The following SKA1 variants were observed in gnomAD, a reference collection of about 807,000 sequenced individuals.
The protein encoded by SKA1 is spindle and kinetochore associated complex subunit 1, also known as SKA complex subunit 1.
In SKA1, 20 loss-of-function variants were observed where a neutral mutation model predicts 31.8. That is an observed-to-expected ratio of 0.63 (90% CI 0.44 to 0.91). The LOEUF is 0.91. SKA1 is among the 40% of genes least tolerant of loss of function. The pLI is 0.00. For synonymous variants in SKA1, 88 were observed against 100.5 expected (o/e 0.88, Z 0.74); for missense variants, 253 against 298.2 (o/e 0.85, Z 1.12).
chr18:50,376,821 T>TA (rs1304162972), intron 2 of SKA1, among the ~76,000 whole-genome samples: 18 of 147,598 alleles, frequency 1.2e-4, no homozygotes, highest in African/African-American at 4.3e-4. Flanking sequence ...TATTTTTTTT[T>TA]AACTTTTTAA....
chr18:50,388,416 T>C (rs2041328380), intron 5 of SKA1, among the ~76,000 whole-genome samples: 1 of 152,196 alleles, frequency 6.6e-6, no homozygotes, highest in Non-Finnish European at 1.5e-5. Context: ...TTGTCTCCTC[T>C]GTTGTCTTTG....
intron 2 of SKA1, among the ~76,000 whole-genome samples, chr18:50,376,911 T>G (rs2041221543): frequency 6.6e-6 from 1 of 152,130 alleles, no homozygotes; most frequent in Admixed American, 6.5e-5. Context: ...TCAACATCTG[T>G]CTTCCACATT....
intron 3 of SKA1, among the ~76,000 whole-genome samples, chr18:50,381,578 G>A (rs963430715): frequency 1.3e-5 from 2 of 152,034 alleles, no homozygotes; most frequent in Non-Finnish European, 2.9e-5. Flanking sequence ...TAATTGCAAT[G>A]TGATTATAGT....
intron 2 of SKA1, 67 bp from the exon 3 acceptor site, chr18:50,380,059 G>T: frequency 3.0e-6 from 4 of 1,320,516 alleles, no homozygotes; most frequent in African/African-American, 1.5e-5. Context: ...CTAAGAGTTC[G>T]CATGAGTACT....
In SKA1 at chr18:50,375,813, T is replaced by A; in HGVS notation, c.-11-7T>A. On this transcript the variant is annotated splice_polypyrimidine_tract_variant and splice_region_variant and intron_variant, in intron 1 of 6. Coordinates refer to ENST00000285116, the MANE Select transcript of SKA1 (RefSeq NM_145060.4). ...TGTTACGAATATGTTTATGTTTTTT[T>A]CTTCAGAGGCTTAAAGGATGGCCTC... 1 of 1,540,164 alleles carries A rather than the reference T, an allele frequency of 6.5e-7. No homozygotes were observed. The highest frequency in any genetic ancestry group is 1.2e-5 in the South Asian group (1 of 82,106).
At chr18:50,380,833 T>A (rs1193659880) in intron 3 of SKA1, among the ~76,000 whole-genome samples, 1 of 152,214 alleles carries the variant, frequency 6.6e-6, no homozygotes, top group African/African-American at 2.4e-5. Flanking sequence ...CTGGTGCACT[T>A]CCTGAGGGGG....
chr18:50,378,226 C>A (rs2041236942), intron 2 of SKA1, among the ~76,000 whole-genome samples: 2 of 152,116 alleles, frequency 1.3e-5, no homozygotes, highest in Admixed American at 1.3e-4. Flanking sequence ...CATGACCCAC[C>A]AAAGCATAGG....
At chr18:50,376,458 A>G (rs951145307) in intron 2 of SKA1, among the ~76,000 whole-genome samples, 8 of 152,234 alleles carry the variant, frequency 5.3e-5, no homozygotes, top group African/African-American at 1.9e-4. Context: ...TTGTGTATCT[A>G]AACATAGAAA....
intron 2 of SKA1, among the ~76,000 whole-genome samples, chr18:50,379,748 G>A (rs2041248659): frequency 6.8e-6 from 1 of 147,562 alleles, no homozygotes; most frequent in Non-Finnish European, 1.5e-5. Flanking sequence ...ACCCTGCCTG[G>A]TATGAGGGGG....
chr18:50,391,736 C>T (rs9960124), intron 6 of SKA1, among the ~76,000 whole-genome samples: 9,130 of 152,138 alleles, frequency 0.06, 751 homozygotes, highest in African/African-American at 0.18. Context: ...ACACCCGTAT[C>T]ACTTACTGTT....
chr18:50,387,984 A>AT (rs1361761671), intron 5 of SKA1, among the ~76,000 whole-genome samples: 1 of 152,188 alleles, frequency 6.6e-6, no homozygotes, highest in Non-Finnish European at 1.5e-5. Context: ...TTAGTGTGAG[A>AT]TTTTATGTTG....
chr18:50,392,285 G>C lies in SKA1; in HGVS notation c.*38G>C, dbSNP rs760090877. 5.9e-5 allele frequency: 74 copies of C among 1,252,500 alleles called. No homozygotes were observed. Among genetic ancestry groups the C allele is most frequent in the Non-Finnish European group, 7.4e-5 (71 of 958,764 alleles). 77.6% of individuals were successfully genotyped at this position (1,252,500 alleles called of 1,614,324 possible). On this transcript the variant is annotated 3_prime_UTR_variant, in exon 7 of 7. Transcript: ENST00000285116. ...CTTTTGAACATACCAACAGGGTATAGAGTATAGAGGCTATTTCTATAATTT... is the reference window on the plus strand; with the variant it reads ...CTTTTGAACATACCAACAGGGTATACAGTATAGAGGCTATTTCTATAATTT...
At chr18:50,388,629 A>C (rs143902731) in intron 5 of SKA1, among the ~76,000 whole-genome samples, 7 of 152,314 alleles carry the variant, frequency 4.6e-5, no homozygotes, top group African/African-American at 1.7e-4. Context: ...TTTCTTAGCT[A>C]GACGGGGCTG....
intron 4 of SKA1, 140 bp downstream of exon 4, chr18:50,382,366 A>C: frequency 2.0e-6 from 1 of 501,120 alleles, no homozygotes; most frequent in East Asian, 3.6e-5. Context: ...TAAAAACAGT[A>C]TTTCCATGTT....
intron 4 of SKA1, among the ~76,000 whole-genome samples, chr18:50,384,872 A>AAT (rs2041293122): frequency 1.1e-3 from 76 of 68,766 alleles, no homozygotes; most frequent in East Asian, 3.2e-3. Context: ...AAAAAAAATT[A>AAT]AAAAAAAAAA....
At chr18:50,377,289 G>T (rs2041226348) in intron 2 of SKA1, among the ~76,000 whole-genome samples, 1 of 152,196 alleles carries the variant, frequency 6.6e-6, no homozygotes. Flanking sequence ...GAATGTTTCA[G>T]CTCCGTTATA....
intron 2 of SKA1, among the ~76,000 whole-genome samples, chr18:50,376,317 A>G (rs2041215235): frequency 1.3e-5 from 2 of 152,216 alleles, no homozygotes; most frequent in Admixed American, 1.3e-4. Flanking sequence ...ATGTACGTAA[A>G]TGTACACAAA....
chr18:50,388,680 TG>T (rs1165937096), intron 5 of SKA1, among the ~76,000 whole-genome samples: 15 of 152,336 alleles, frequency 9.8e-5, no homozygotes, highest in African/African-American at 3.6e-4. Context: ...GATAAGGTTC[TG>T]GTCAAGTAGT....
chr18:50,392,269 A>T lies in SKA1; in HGVS notation c.*22A>T, dbSNP rs10460085. 1 of 1,491,438 alleles carries T rather than the reference A, an allele frequency of 6.7e-7. No homozygotes were observed. The highest frequency in any genetic ancestry group is 8.9e-7 in the Non-Finnish European group (1 of 1,120,792). The allele number at this position is 1,491,438 out of a possible 1,614,324, so 92.4% of individuals were successfully genotyped here. A position where few individuals can be genotyped will look rare whatever the true frequency, so the allele number is the denominator to read the frequency against. ...CTGAGTCCCTTGTGAACTTTTGAAC[A>T]TACCAACAGGGTATAGAGTATAGAG... is the stretch of plus-strand genomic sequence containing the variant. On this transcript the variant is annotated 3_prime_UTR_variant, in exon 7 of 7. Transcript: ENST00000285116.
Sources: gnomAD v4.1 joint callset for allele counts (sites outside exome capture counted in the v4.1 genomes callset) on GRCh38, gnomAD v4.1.1 for gene constraint, MANE v1.5 for transcripts, NCBI Gene and HGNC (gene_info 2026-07-23, HGNC 2026-07-21) for gene names.